CELF2: variants seen among roughly 807,000 people sequenced by gnomAD.
CELF2 encodes CUG triplet repeat RNA-binding protein 2.
In CELF2, 8 loss-of-function variants were observed where a neutral mutation model predicts 62.6. The ratio of observed to expected loss-of-function variants is 0.13; its 90% confidence interval spans 0.07 to 0.23. CELF2 has a LOEUF of 0.23. CELF2 is among the 10% of genes least tolerant of loss of function. The probability of loss-of-function intolerance (pLI) is 1.00; values close to 1 mark genes in which losing one functional copy is unlikely to be tolerated. For synonymous variants in CELF2, 258 were observed against 250.0 expected, an observed-to-expected ratio of 1.03 and a Z score of -0.30; for missense variants, 333 against 671.0, an observed-to-expected ratio of 0.50 and a Z score of 5.56.
At chr10:10,807,618 C>G (rs1162109540) in intron 1 of CELF2, among the ~76,000 whole-genome samples, 1 of 151,718 alleles carries the variant, frequency 6.6e-6, no homozygotes, top group Non-Finnish European at 1.5e-5. Flanking sequence ...ATTTTGTTTA[C>G]AAAAGTATAA....
Position 11,321,501 on chromosome 10 carries a change from T to G in CELF2, c.1294+115T>G. On this transcript the variant is annotated intron_variant, in intron 11 of 12. Coordinates refer to ENST00000633077, the MANE Select transcript of CELF2 (RefSeq NM_001326342.2). The surrounding 1 kb of genome is among the most constrained non-coding windows in gnomAD (Gnocchi z 6.2). ...AACCCATGTCATAACAGAAAGCAGTTGTTTTGTTATTCATGTTTAAAAAAA... is the reference window on the plus strand; with the variant it reads ...AACCCATGTCATAACAGAAAGCAGTGGTTTTGTTATTCATGTTTAAAAAAA... The G allele has an allele frequency of 1.2e-6, 1 of 827,534 alleles. No individual in the cohort carries two copies. Among genetic ancestry groups the G allele is most frequent in the Non-Finnish European group, 1.8e-6 (1 of 550,576 alleles). The allele number at this position is 827,534 out of a possible 1,614,324, so 51.3% of individuals were successfully genotyped here. A position where few individuals can be genotyped will look rare whatever the true frequency, so the allele number is the denominator to read the frequency against.
intron 2 of CELF2, among the ~76,000 whole-genome samples, chr10:11,190,491 G>T (rs1050203272): frequency 4.6e-5 from 7 of 151,928 alleles, no homozygotes; most frequent in African/African-American, 1.7e-4. Flanking sequence ...GAACACTAAA[G>T]GCAGAGATTT....
intron 12 of CELF2, among the ~76,000 whole-genome samples, chr10:11,326,265 A>C (rs954024110): frequency 1.3e-5 from 2 of 152,238 alleles, no homozygotes; most frequent in East Asian, 3.8e-4. Flanking sequence ...GGTTTAGTAC[A>C]ATTCAGACAC....
At chr10:10,487,974 A>G in the CELF2 span, among the ~76,000 whole-genome samples, 270 of 152,256 alleles carry the variant, frequency 1.8e-3, no homozygotes, top group Middle Eastern at 0.01. Flanking sequence ...TGATCATTAC[A>G]TGATTGTTAC....
chr10:10,505,990 A>G, the CELF2 span, among the ~76,000 whole-genome samples: 7 of 152,134 alleles, frequency 4.6e-5, no homozygotes, highest in Admixed American at 2.6e-4. Flanking sequence ...TTTATACATA[A>G]TGTCCAGAGA....
intron 2 of CELF2, among the ~76,000 whole-genome samples, chr10:10,967,924 A>T (rs1349697824): frequency 1.3e-5 from 2 of 151,982 alleles, no homozygotes; most frequent in Non-Finnish European, 2.9e-5. Flanking sequence ...GTAAGCACAC[A>T]CACACACACA....
chr10:10,901,250 C>G (rs2062918460), intron 1 of CELF2, among the ~76,000 whole-genome samples: 1 of 152,172 alleles, frequency 6.6e-6, no homozygotes, highest in African/African-American at 2.4e-5. Flanking sequence ...GGGAGGCTAA[C>G]AGTGTATGAT....
At chr10:10,537,093 A>T in the CELF2 span, among the ~76,000 whole-genome samples, 1 of 152,182 alleles carries the variant, frequency 6.6e-6, no homozygotes, top group East Asian at 1.9e-4. Context: ...TGCACATAGG[A>T]ACAAGAGGCA....
chr10:10,771,784 C>A, the CELF2 span, among the ~76,000 whole-genome samples: 1 of 152,230 alleles, frequency 6.6e-6, no homozygotes, highest in African/African-American at 2.4e-5. Context: ...AAACCTCTTT[C>A]TTTTGTAAAT....
intron 9 of CELF2, among the ~76,000 whole-genome samples, chr10:11,304,982 G>C (rs1014307045): frequency 6.6e-6 from 1 of 152,176 alleles, no homozygotes; most frequent in African/African-American, 2.4e-5. Context: ...CAGGAATGGC[G>C]CTGTTTGAAC....
rs1564359439 is a variant in CELF2 at position 11,008,620 on chromosome 10, T to G, written c.53+3180T>G. ...GTTAATTAGGTGAAAATGTGGCTGA[T>G]AAAAAGTTCATTGAGCACAGCCATG... On this transcript the variant is annotated intron_variant, in intron 1 of 12. Coordinates refer to the CELF2 transcript ENST00000416382. This position sits in a 1 kb window ranked among gnomAD's most constrained non-coding sequence, Gnocchi z 4.5. Among the ~76,000 whole-genome samples the G allele has an allele frequency of 1.3e-5, 2 of 152,166 alleles. No homozygotes were observed.
rs1012075078 is a variant in CELF2 at position 11,115,979 on chromosome 10, A to C, written c.75-49507A>C. ...GGTATGTGAAGAAGACACATGAAGG[A>C]CCTTTTTCCCTGTAGCAGCCAGCAT... On this transcript the variant is annotated intron_variant, in intron 1 of 12. Transcript: ENST00000633077. 3.9e-5 allele frequency among the ~76,000 whole-genome samples: 6 copies of C among 152,304 alleles called. No individual in the cohort carries two copies. The South Asian group carries it at 1.2e-3, about 32-fold the overall frequency.
At chr10:11,023,041 A>G (rs993362602) in intron 1 of CELF2, among the ~76,000 whole-genome samples, 7 of 152,210 alleles carry the variant, frequency 4.6e-5, no homozygotes, top group Admixed American at 2.6e-4. Context: ...TTAATAGGTC[A>G]TTATTTCCAC....
intron 1 of CELF2, among the ~76,000 whole-genome samples, chr10:11,080,604 C>A (rs954008386): frequency 6.6e-6 from 1 of 152,234 alleles, no homozygotes; most frequent in Admixed American, 6.5e-5. Flanking sequence ...CCATTACCTT[C>A]CTCTCTATCA....
intron 2 of CELF2, among the ~76,000 whole-genome samples, chr10:11,179,112 T>G (rs964846660): frequency 1.3e-5 from 2 of 152,224 alleles, no homozygotes; most frequent in African/African-American, 4.8e-5. Flanking sequence ...CAACACATCC[T>G]TCGGAGTAAT....
chr10:11,053,847 C>G (rs1348104327), intron 1 of CELF2, among the ~76,000 whole-genome samples: 5 of 152,064 alleles, frequency 3.3e-5, no homozygotes, highest in African/African-American at 9.7e-5. Flanking sequence ...ATCTCCTGAC[C>G]TCGTGATCCA....
chr10:11,132,617 G>A (rs1165837688), intron 1 of CELF2, among the ~76,000 whole-genome samples: 1 of 152,144 alleles, frequency 6.6e-6, no homozygotes, highest in East Asian at 1.9e-4. Context: ...ATTGCAGAAA[G>A]TTACAGCTCA....
In CELF2 at chr10:11,316,662, T is replaced by A. The variant is rs1022806420; in HGVS notation, c.1096+2404T>A. On this transcript the variant is annotated intron_variant, in intron 10 of 12. Transcript: ENST00000633077. This position sits in a 1 kb window ranked among gnomAD's most constrained non-coding sequence, Gnocchi z 4.4. ...ATTATCTGTTTCCATATGGAGAGTA[T>A]TCAGGTTTTCTGAATAGAGCCAACT... Among the ~76,000 whole-genome samples, 8 of 152,176 alleles carry A rather than the reference T, an allele frequency of 5.3e-5. No homozygotes were observed. Among genetic ancestry groups the A allele is most frequent in the Non-Finnish European group, 1.2e-4 (8 of 68,034 alleles).
chr10:10,786,429 T>G, the CELF2 span, among the ~76,000 whole-genome samples: 3 of 149,976 alleles, frequency 2.0e-5, no homozygotes, highest in African/African-American at 7.4e-5. Context: ...CCAACCATAA[T>G]ACAGATCAGG....
Sources: gnomAD v4.1 joint callset for allele counts (sites outside exome capture counted in the v4.1 genomes callset) on GRCh38, gnomAD v4.1.1 for gene constraint, Gnocchi (gnomAD v3.1) non-coding constraint, MANE v1.5 for transcripts, NCBI Gene and HGNC (gene_info 2026-07-23, HGNC 2026-07-21) for gene names.